Variants in TF observed in about 807,000 individuals in gnomAD.
The protein encoded by TF is transferrin, also known as serotransferrin.
Under a neutral mutation model 82.4 loss-of-function variants are expected in TF, and 55 were observed. That is an observed-to-expected ratio of 0.67 (90% CI 0.54 to 0.84). TF has a LOEUF of 0.84. TF is among the 40% of genes least tolerant of loss of function. The pLI is 0.00. For synonymous variants in TF, 332 were observed against 332.6 expected, an observed-to-expected ratio of 1.00 and a Z score of 0.02; for missense variants, 737 against 868.4, an observed-to-expected ratio of 0.85 and a Z score of 1.90.
the TF span, among the ~76,000 whole-genome samples, chr3:133,731,217 C>G: frequency 1.3e-5 from 2 of 152,100 alleles, no homozygotes; most frequent in African/African-American, 4.8e-5. Context: ...TTCAGCTTAA[C>G]CAGCTGAACA....
At chr3:133,670,610 T>C in the TF span, among the ~76,000 whole-genome samples, 1 of 152,230 alleles carries the variant, frequency 6.6e-6, no homozygotes, top group Admixed American at 6.5e-5. Flanking sequence ...CTCTGGACTT[T>C]ATTTGGTTTT....
chr3:133,751,040 A>G (rs1290490451), intron 2 of TF, among the ~76,000 whole-genome samples: 1 of 152,166 alleles, frequency 6.6e-6, no homozygotes, highest in Non-Finnish European at 1.5e-5. Context: ...GTGGTATATT[A>G]AAAATATGTT....
At chr3:133,726,656 C>G in the TF span, among the ~76,000 whole-genome samples, 3 of 151,630 alleles carry the variant, frequency 2.0e-5, no homozygotes, top group Non-Finnish European at 4.4e-5. Context: ...TCTCTATTTC[C>G]TTCAGTTCTG....
the TF span, among the ~76,000 whole-genome samples, chr3:133,736,631 C>CAAAAAAGAAAAAAAAAAAAAAAAAA: frequency 8.9e-4 from 29 of 32,548 alleles, 3 homozygotes; most frequent in East Asian, 3.7e-3. Flanking sequence ...AATGGAAAGC[C>CAAAAAAGAAAAAAAAAAAAAAAAAA]AAAAAAAAAA....
chr3:133,707,894 C>T, the TF span, among the ~76,000 whole-genome samples: 1 of 151,954 alleles, frequency 6.6e-6, no homozygotes, highest in Non-Finnish European at 1.5e-5. Flanking sequence ...AGACATTCAG[C>T]ATTATATTGG....
chr3:133,679,024 C>G, the TF span, among the ~76,000 whole-genome samples: 1 of 152,050 alleles, frequency 6.6e-6, no homozygotes, highest in Admixed American at 6.6e-5. Context: ...AGGTGGGCAC[C>G]ACCACACCTG....
At chr3:133,732,348 C>T in the TF span, among the ~76,000 whole-genome samples, 4 of 152,188 alleles carry the variant, frequency 2.6e-5, no homozygotes, top group South Asian at 8.3e-4. Flanking sequence ...TGTAAATGCA[C>T]CAATCAGCAT....
intron 9 of TF, chr3:133,761,385 C>G (rs539597790): frequency 6.6e-6 from 1 of 152,198 alleles, no homozygotes; most frequent in Non-Finnish European, 1.5e-5. Context: ...ATGGGCTGCC[C>G]ACTGTGGCAT....
At chr3:133,766,083 T>C (rs1025819641) in intron 11 of TF, among the ~76,000 whole-genome samples, 195 bp from the exon 12 acceptor site, 2 of 152,248 alleles carry the variant, frequency 1.3e-5, no homozygotes, top group Non-Finnish European at 2.9e-5. Flanking sequence ...CACAATATTT[T>C]GTTTTTAAAG....
the TF span, among the ~76,000 whole-genome samples, chr3:133,664,611 C>T: frequency 1.1e-4 from 16 of 152,082 alleles, no homozygotes; most frequent in East Asian, 3.9e-4. Context: ...TAAGTCACTG[C>T]GCCTGGCCAC....
Position 133,778,678 on chromosome 3 carries a change from T to G in TF, c.*58T>G. 6.3e-7 allele frequency: 1 copy of G among 1,596,274 alleles called. No individual in the cohort carries two copies. Among genetic ancestry groups the G allele is most frequent in the Non-Finnish European group, 8.6e-7 (1 of 1,167,060 alleles). ...GATGGGAACGCAGATGATCCATGAG[T>G]TTGCCCTGGTTTCACTGGCCCAAGT... On this transcript the variant is annotated 3_prime_UTR_variant, in exon 17 of 17. Coordinates refer to ENST00000402696, the MANE Select transcript of TF (RefSeq NM_001063.4).
At chr3:133,737,759 C>T in the TF span, among the ~76,000 whole-genome samples, 1 of 152,122 alleles carries the variant, frequency 6.6e-6, no homozygotes. Context: ...CAAGACTAAA[C>T]CAGGCAGAAG....
chr3:133,777,002 C>T, intron 15 of TF, 47 bp from the exon 16 acceptor site: 1 of 1,556,952 alleles, frequency 6.4e-7, no homozygotes, highest in African/African-American at 1.4e-5. Context: ...GTGTTCCCAG[C>T]TGCTAAAGAC....
the TF span, among the ~76,000 whole-genome samples, chr3:133,739,538 AT>A: frequency 6.6e-6 from 1 of 152,190 alleles, no homozygotes; most frequent in Non-Finnish European, 1.5e-5. Context: ...AACCTACAGA[AT>A]GGGAGAAAAT....
chr3:133,679,505 T>C, the TF span, among the ~76,000 whole-genome samples: 1 of 151,644 alleles, frequency 6.6e-6, no homozygotes, highest in Admixed American at 6.6e-5. Context: ...CCACTATAGA[T>C]AAGTTTCGTC....
At position 133,790,734 on chromosome 3, in the gene TF, G is replaced by A. The variant is rs988685639; in HGVS notation, c.*12114G>A. 2 of 152,198 alleles carry A rather than the reference G, an allele frequency of 1.3e-5. No homozygotes were observed. Among genetic ancestry groups the A allele is most frequent in the Admixed American group, 1.3e-4 (2 of 15,284 alleles). The allele number at this position is 152,198 out of a possible 1,614,324, so 9.4% of individuals were successfully genotyped here. A position where few individuals can be genotyped will look rare whatever the true frequency, so the allele number is the denominator to read the frequency against. ...CAAATTTCACATACATGCTTGCATT[G>A]CTTCACACTGTTTACTGTTTTGTGT... On this transcript the variant is annotated 3_prime_UTR_variant, in exon 17 of 17. Transcript: ENST00000402696.
chr3:133,723,764 G>T, the TF span, among the ~76,000 whole-genome samples: 1 of 150,520 alleles, frequency 6.6e-6, no homozygotes, highest in East Asian at 1.9e-4. Context: ...CCATTAACTC[G>T]TCATTTAGCA....
chr3:133,775,295 C>T (rs1934357590), intron 14 of TF, 138 bp from the exon 15 acceptor site: 3 of 832,792 alleles, frequency 3.6e-6, no homozygotes, highest in African/African-American at 3.3e-5. Flanking sequence ...TTCCTGTCCA[C>T]ATCACTGTAA....
chr3:133,771,500 G>A (rs1934254390), intron 14 of TF, among the ~76,000 whole-genome samples: 1 of 152,054 alleles, frequency 6.6e-6, no homozygotes, highest in Middle Eastern at 3.2e-3. Flanking sequence ...AACTTTGGGA[G>A]GCCGAGGCGG....
Sources: allele counts gnomAD v4.1 joint callset (sites outside exome capture counted in the v4.1 genomes callset), GRCh38; gene constraint gnomAD v4.1.1; transcripts MANE v1.5; gene names NCBI Gene and HGNC (gene_info 2026-07-23, HGNC 2026-07-21).